Variants in DNAH14 observed in about 807,000 individuals in gnomAD.
DNAH14 encodes the protein dynein axonemal heavy chain 14, also known as axonemal beta dynein heavy chain 14.
A neutral mutation model predicts 520.9 loss-of-function variants in DNAH14; 478 were observed. That is an observed-to-expected ratio of 0.92 (90% CI 0.85 to 0.99). The LOEUF is 0.99. Ranked by LOEUF, DNAH14 falls within the 50% of genes least tolerant of loss-of-function variation. The pLI, the probability that DNAH14 is intolerant of heterozygous loss-of-function variation, is 0.00. For synonymous variants in DNAH14, 1,581 were observed against 1,757.2 expected (o/e 0.90, Z 2.51); for missense variants, 4,831 against 5,234.5 (o/e 0.92, Z 2.38).
intron 36 of DNAH14, among the ~76,000 whole-genome samples, chr1:225,180,858 T>C (rs561478148): frequency 1.3e-5 from 2 of 152,354 alleles, no homozygotes; most frequent in African/African-American, 4.8e-5. Context: ...ACAGCGTACA[T>C]GTACAGGTTT....
intron 22 of DNAH14, 122 bp downstream of exon 22, chr1:225,097,361 G>A: frequency 1.1e-6 from 1 of 920,754 alleles, no homozygotes; most frequent in South Asian, 2.6e-5. Context: ...TACAGACATA[G>A]GGGTATAATT....
chr1:225,297,950 C>G (rs1044115416), intron 55 of DNAH14, among the ~76,000 whole-genome samples: 1 of 151,292 alleles, frequency 6.6e-6, no homozygotes, highest in Non-Finnish European at 1.5e-5. Context: ...GTCTGCAGCA[C>G]GGGGGATGTA....
chr1:225,242,635 CA>C (rs2092033412), intron 43 of DNAH14, among the ~76,000 whole-genome samples: 1 of 152,086 alleles, frequency 6.6e-6, no homozygotes, highest in Non-Finnish European at 1.5e-5. Flanking sequence ...AGCTGTTTTA[CA>C]GTTAATTTTA....
chr1:225,341,237 T>C (rs2095172899), intron 69 of DNAH14, among the ~76,000 whole-genome samples: 2 of 152,160 alleles, frequency 1.3e-5, no homozygotes, highest in African/African-American at 4.8e-5. Flanking sequence ...CCTGAGTACC[T>C]GGGATTACCA....
intron 41 of DNAH14, among the ~76,000 whole-genome samples, chr1:225,215,523 T>C (rs1259473398): frequency 6.6e-6 from 1 of 152,148 alleles, no homozygotes; most frequent in Non-Finnish European, 1.5e-5. Flanking sequence ...AGTTTCCCAG[T>C]ATTATTCTAT....
chr1:225,279,461 A>G (rs2093575498), intron 54 of DNAH14, among the ~76,000 whole-genome samples: 1 of 152,208 alleles, frequency 6.6e-6, no homozygotes, highest in African/African-American at 2.4e-5. Context: ...AGGGAGTGTA[A>G]TGACTTAATT....
chr1:225,051,892 C>A, intron 17 of DNAH14, 97 bp downstream of exon 17: 1 of 864,554 alleles, frequency 1.2e-6, no homozygotes, highest in Non-Finnish European at 1.7e-6. Flanking sequence ...TATCATGTCA[C>A]ATGCAGAGTA....
chr1:224,993,047 T>C (rs1395619219), intron 8 of DNAH14, among the ~76,000 whole-genome samples: 1 of 152,106 alleles, frequency 6.6e-6, no homozygotes, highest in East Asian at 1.9e-4. Flanking sequence ...CATCCCAGGG[T>C]TAAATCCTAG....
At chr1:225,367,617 G>A (rs1387424380) in intron 76 of DNAH14, among the ~76,000 whole-genome samples, 188 bp from the exon 77 acceptor site, 2 of 152,108 alleles carry the variant, frequency 1.3e-5, no homozygotes, top group African/African-American at 4.8e-5. Flanking sequence ...AGAAAATCTG[G>A]GACAATCCTT....
chr1:225,385,783 T>C (rs2095834743), intron 81 of DNAH14, among the ~76,000 whole-genome samples: 1 of 152,148 alleles, frequency 6.6e-6, no homozygotes, highest in South Asian at 2.1e-4. Flanking sequence ...AGAATCAATA[T>C]TGTGAAAATG....
chr1:225,399,026 G>C (rs753439852), intron 85 of DNAH14, 28 bp from the exon 86 acceptor site: 77 of 1,428,600 alleles, frequency 5.4e-5, no homozygotes, highest in Admixed American at 2.3e-4. Context: ...TATGCAATTT[G>C]ACTACTGGAT....
chr1:225,143,431 A>C (rs999024491), intron 28 of DNAH14, among the ~76,000 whole-genome samples: 1 of 152,106 alleles, frequency 6.6e-6, no homozygotes, highest in African/African-American at 2.4e-5. Flanking sequence ...TTTATTTTTA[A>C]AATTTACTCA....
At chr1:225,383,490 A>G (rs753196355) in intron 81 of DNAH14, among the ~76,000 whole-genome samples, 5 of 152,224 alleles carry the variant, frequency 3.3e-5, no homozygotes, top group African/African-American at 9.6e-5. Flanking sequence ...GTTAGGCTGA[A>G]AGAACAATGA....
rs764608912 is a variant in DNAH14 at position 225,381,364 on chromosome 1, A to G, written c.12881-19A>G. ...TTAATCTGTAAAATATCAAAATTTTATTTCTTTTTAAAATCCAGATCACGA... is the reference window on the plus strand; with the variant it reads ...TTAATCTGTAAAATATCAAAATTTTGTTTCTTTTTAAAATCCAGATCACGA... On this transcript the variant is annotated intron_variant, in intron 80 of 85. Coordinates refer to ENST00000682510, the MANE Select transcript of DNAH14 (RefSeq NM_001367479.1). 21 of 1,524,058 alleles carry G rather than the reference A, an allele frequency of 1.4e-5. No homozygotes were observed. The East Asian group carries it at 4.2e-4, about 30-fold the overall frequency. The allele number at this position is 1,524,058 out of a possible 1,614,324, so 94.4% of individuals were successfully genotyped here. A position where few individuals can be genotyped will look rare whatever the true frequency, so the allele number is the denominator to read the frequency against.
chr1:225,020,788 A>G (rs1043313459), intron 10 of DNAH14, among the ~76,000 whole-genome samples: 1 of 152,180 alleles, frequency 6.6e-6, no homozygotes, highest in African/African-American at 2.4e-5. Flanking sequence ...TCAAGGAGGA[A>G]GGACTCCTCC....
At chr1:225,237,057 C>G (rs116042898) in intron 42 of DNAH14, among the ~76,000 whole-genome samples, 171 of 152,152 alleles carry the variant, frequency 1.1e-3, no homozygotes, top group African/African-American at 4.0e-3. Context: ...TAAATTTTCT[C>G]CCATCCCTTT....
chr1:224,951,966 C>T (rs576234380), intron 1 of DNAH14, among the ~76,000 whole-genome samples: 2 of 152,324 alleles, frequency 1.3e-5, no homozygotes, highest in East Asian at 3.9e-4. Context: ...AAGAACTACT[C>T]TTACCCCTGG....
intron 23 of DNAH14, among the ~76,000 whole-genome samples, chr1:225,112,687 TGCCTCATCTGTATTTTCAAATA>T (rs1401030451): frequency 3.9e-5 from 6 of 152,078 alleles, no homozygotes; most frequent in Admixed American, 3.3e-4. Flanking sequence ...TTTTTTCTGA[TGCCTCATCTGTATTTTCAAATA>T]GCCTGTCTTC....
At chr1:225,054,850 G>T (rs1024161586) in intron 17 of DNAH14, among the ~76,000 whole-genome samples, 1 of 151,976 alleles carries the variant, frequency 6.6e-6, no homozygotes, top group Non-Finnish European at 1.5e-5. Context: ...CTCCTTAAGT[G>T]TGCTTCTTAT....
Sources: gnomAD v4.1 joint callset for allele counts (sites outside exome capture counted in the v4.1 genomes callset) on GRCh38, gnomAD v4.1.1 for gene constraint, MANE v1.5 for transcripts, NCBI Gene and HGNC (gene_info 2026-07-23, HGNC 2026-07-21) for gene names.